Variants in GIPC2 observed in about 807,000 individuals in gnomAD.
GIPC2 encodes PDZ domain-containing protein GIPC2.
A neutral mutation model predicts 30.6 loss-of-function variants in GIPC2; 30 were observed. The ratio of observed to expected loss-of-function variants is 0.98; its 90% CI spans 0.73 to 1.33. GIPC2 has a LOEUF of 1.33. Among genes scored for constraint, GIPC2 ranks in the 40% most tolerant of loss-of-function variants. GIPC2 has a pLI of 0.00. For missense variants in GIPC2, 414 were observed against 390.3 expected (o/e 1.06, Z -0.51); for synonymous variants, 167 against 150.0 (o/e 1.11, Z -0.83).
chr1:78,046,433 G>A (rs983352413), intron 1 of GIPC2, 99 bp downstream of exon 1: 2 of 1,165,780 alleles, frequency 1.7e-6, no homozygotes, highest in South Asian at 1.4e-5. Context: ...GCGTTTCCCG[G>A]AGCGCGAAAT....
rs533418420 is a variant in GIPC2 at position 78,097,247 on chromosome 1, G to T, written c.607+2115G>T. ...GGCATTATTATTGACTCAGGGCCAA[G>T]AATTCAAATTTCATAGTCCTTCATG... On this transcript the variant is annotated intron_variant, in intron 3 of 5. Coordinates refer to ENST00000370759, the MANE Select transcript of GIPC2 (RefSeq NM_017655.6). Among the ~76,000 whole-genome samples the T allele has an allele frequency of 7.2e-5, 11 of 152,184 alleles. No homozygotes were observed. The South Asian group carries it at 2.1e-3, about 29-fold the overall frequency.
intron 4 of GIPC2, among the ~76,000 whole-genome samples, chr1:78,121,462 G>A (rs1053474687): frequency 6.6e-6 from 1 of 152,120 alleles, no homozygotes; most frequent in Admixed American, 6.5e-5. Context: ...GAACTTGTTG[G>A]GTGACAAGGT....
intron 1 of GIPC2, among the ~76,000 whole-genome samples, chr1:78,056,761 C>A (rs1300810687): frequency 6.6e-6 from 1 of 152,246 alleles, no homozygotes. Flanking sequence ...TTCCCACTTG[C>A]ACCCAAGAGT....
At chr1:78,118,659 C>T (rs1000797702) in intron 3 of GIPC2, among the ~76,000 whole-genome samples, 1 of 152,158 alleles carries the variant, frequency 6.6e-6, no homozygotes, top group Non-Finnish European at 1.5e-5. Context: ...CTTTCAGGCT[C>T]TTTTTCTTTT....
intron 1 of GIPC2, among the ~76,000 whole-genome samples, chr1:78,079,119 A>G (rs1661779589): frequency 6.6e-6 from 1 of 152,218 alleles, no homozygotes; most frequent in African/African-American, 2.4e-5. Flanking sequence ...TATTATCTAC[A>G]AAGCTGAATG....
rs975695017 is a variant in GIPC2, at chr1:78,137,637, C to G, written c.*1894C>G. ...TACTTGTCTGTTAGCATTCAGTGGA[C>G]CATTATCATTACTATCATCACATTA... On this transcript the variant is annotated 3_prime_UTR_variant, in exon 6 of 6. Coordinates refer to ENST00000370759, the MANE Select transcript of GIPC2 (RefSeq NM_017655.6). 36 of 152,150 alleles carry G rather than the reference C, an allele frequency of 2.4e-4. No individual in the cohort carries two copies. The highest frequency in any genetic ancestry group is 7.0e-4 in the African/African-American group (29 of 41,448). The allele number at this position is 152,150 out of a possible 1,614,324, so 9.4% of individuals were successfully genotyped here.
intron 1 of GIPC2, among the ~76,000 whole-genome samples, chr1:78,059,550 C>T (rs995358953): frequency 3.3e-5 from 5 of 152,260 alleles, no homozygotes; most frequent in East Asian, 3.9e-4. Context: ...CAAGACCAGC[C>T]TGGGCAACAT....
chr1:78,062,818 T>C (rs141670158), intron 1 of GIPC2, among the ~76,000 whole-genome samples: 1 of 152,274 alleles, frequency 6.6e-6, no homozygotes, highest in East Asian at 1.9e-4. Flanking sequence ...GAATTATTGT[T>C]GAACACCTAT....
intron 2 of GIPC2, among the ~76,000 whole-genome samples, chr1:78,083,623 T>G (rs933535691): frequency 6.6e-6 from 1 of 152,236 alleles, no homozygotes; most frequent in Admixed American, 6.5e-5. Flanking sequence ...ATGATTTTTC[T>G]AATTCCATCA....
intron 3 of GIPC2, among the ~76,000 whole-genome samples, chr1:78,106,785 A>T (rs557399699): frequency 6.6e-6 from 1 of 152,062 alleles, no homozygotes; most frequent in Non-Finnish European, 1.5e-5. Flanking sequence ...GGTTCAAGTG[A>T]TTCTCCTGCT....
At chr1:78,092,212 G>T (rs887234991) in intron 2 of GIPC2, among the ~76,000 whole-genome samples, 4 of 152,178 alleles carry the variant, frequency 2.6e-5, no homozygotes, top group African/African-American at 9.6e-5. Flanking sequence ...GGAAAAAAAA[G>T]ATTTTAGGGA....
intron 1 of GIPC2, among the ~76,000 whole-genome samples, chr1:78,073,840 GA>G (rs1405681953): frequency 6.6e-6 from 1 of 152,118 alleles, no homozygotes; most frequent in Non-Finnish European, 1.5e-5. Flanking sequence ...TGCCACCAGA[GA>G]AAAAGCAATA....
At chr1:78,106,760 A>G (rs1662361181) in intron 3 of GIPC2, among the ~76,000 whole-genome samples, 1 of 152,078 alleles carries the variant, frequency 6.6e-6, no homozygotes, top group South Asian at 2.1e-4. Context: ...GGCTCTCTGC[A>G]ACCTCTGTTG....
At position 78,117,279 on chromosome 1, in the gene GIPC2, C is replaced by T. The variant is rs570742522; in HGVS notation, c.608-2114C>T. ...TGTCATGAGAGCTTTGCACAGACCT[C>T]ACTGCCTACTGGTACTCACCAGCCT... On this transcript the variant is annotated intron_variant, in intron 3 of 5. Coordinates refer to ENST00000370759, the MANE Select transcript of GIPC2 (RefSeq NM_017655.6). 7.9e-5 allele frequency among the ~76,000 whole-genome samples: 12 copies of T among 152,304 alleles called. No homozygotes were observed. In the South Asian group the frequency reaches 2.5e-3, roughly 32 times the overall value.
chr1:78,137,912 C>T lies in GIPC2; in HGVS notation c.*2169C>T, dbSNP rs1394478242. The T allele has an allele frequency of 6.6e-6, 1 of 152,002 alleles. No homozygotes were observed. The highest frequency in any genetic ancestry group is 6.6e-5 in the Admixed American group (1 of 15,250). 9.4% of individuals were successfully genotyped at this position (152,002 alleles called of 1,614,324 possible). A position where few individuals can be genotyped will look rare whatever the true frequency, so the allele number is the denominator to read the frequency against. The stretch of plus-strand genomic sequence containing the variant: ...AGTGTGGGATACCCTTCTGCAGCTT[C>T]AGTGAGACAAATCACTTTTTAAAAA... On this transcript the variant is annotated 3_prime_UTR_variant, in exon 6 of 6. Transcript: ENST00000370759.
At position 78,120,443 on chromosome 1, in the gene GIPC2, C is replaced by T. The variant is rs188620092; in HGVS notation, c.714+944C>T. On this transcript the variant is annotated intron_variant, in intron 4 of 5. Transcript: ENST00000370759. ...ACATTATCTATCTCAAAGGCCTTTC[C>T]CGAGCATCCTGTATAAACAGCAACT... is the stretch of plus-strand genomic sequence containing the variant. Among the ~76,000 whole-genome samples, 5 of 152,280 alleles carry T rather than the reference C, an allele frequency of 3.3e-5. No homozygotes were observed. In the East Asian group the frequency reaches 9.7e-4, roughly 29 times the overall value.
intron 3 of GIPC2, among the ~76,000 whole-genome samples, chr1:78,116,804 T>C (rs1369180222): frequency 1.3e-5 from 2 of 152,206 alleles, no homozygotes; most frequent in African/African-American, 4.8e-5. Flanking sequence ...TGAATAGTGC[T>C]GCAGTAAACA....
In GIPC2 at chr1:78,135,904, T is replaced by G. The variant is rs1443483123; in HGVS notation, c.*161T>G. On this transcript the variant is annotated 3_prime_UTR_variant, in exon 6 of 6. Coordinates refer to ENST00000370759, the MANE Select transcript of GIPC2 (RefSeq NM_017655.6). ...ATATAATTTTGGTAATTTTGATTTC[T>G]GGGCACTTTTTAACATTGCTGATGT... 3.5e-6 allele frequency: 2 copies of G among 564,530 alleles called. No homozygotes were observed. Among genetic ancestry groups the G allele is most frequent in the African/African-American group, 3.9e-5 (2 of 50,926 alleles). The allele number at this position is 564,530 out of a possible 1,614,324, so 35.0% of individuals were successfully genotyped here.
intron 2 of GIPC2, among the ~76,000 whole-genome samples, chr1:78,082,970 C>T (rs1162904094): frequency 6.6e-6 from 1 of 151,910 alleles, no homozygotes; most frequent in African/African-American, 2.4e-5. Flanking sequence ...ACTCTTTACC[C>T]CTTAGTACTT....
Sources: gnomAD v4.1 joint callset for allele counts (sites outside exome capture counted in the v4.1 genomes callset) on GRCh38, gnomAD v4.1.1 for gene constraint, MANE v1.5 for transcripts, NCBI Gene and HGNC (gene_info 2026-07-23, HGNC 2026-07-21) for gene names.